CLNK: variants seen among roughly 807,000 people sequenced by gnomAD.
CLNK encodes the protein cytokine dependent hematopoietic cell linker, also known as cytokine-dependent hematopoietic cell linker.
Under a neutral mutation model 68.6 loss-of-function variants are expected in CLNK, and 74 were observed. The ratio of observed to expected loss-of-function variants is 1.08; its 90% CI spans 0.89 to 1.31. The LOEUF (loss-of-function observed/expected upper bound fraction) is 1.31, where lower values mean the gene tolerates loss of function less well. Ranked by LOEUF, CLNK falls within the 50% of genes most tolerant of loss-of-function variation. CLNK has a pLI of 0.00. For missense variants in CLNK, 553 were observed against 515.3 expected, an observed-to-expected ratio of 1.07 and a Z score of -0.71; for synonymous variants, 198 against 172.2, an observed-to-expected ratio of 1.15 and a Z score of -1.17.
chr4:10,658,261 G>A (rs1232444874), intron 2 of CLNK, among the ~76,000 whole-genome samples: 1 of 152,188 alleles, frequency 6.6e-6, no homozygotes, highest in Admixed American at 6.5e-5. Context: ...TACAATGAAT[G>A]TTCTTCATGG....
rs549129073 is a variant in CLNK at position 10,500,764 on chromosome 4, G to A, written c.1140+492C>T. ...TTGTGGATTGATTTATGTTATTCAC[G>A]AATATTTTAATTGATTCACTCTTTC... On this transcript the variant is annotated intron_variant, in intron 18 of 18. Coordinates refer to ENST00000226951, the MANE Select transcript of CLNK (RefSeq NM_052964.4). Among the ~76,000 whole-genome samples the A allele has an allele frequency of 1.2e-4, 18 of 152,062 alleles. No homozygotes were observed. The East Asian group carries it at 1.4e-3, about 11-fold the overall frequency.
intron 2 of CLNK, among the ~76,000 whole-genome samples, chr4:10,629,331 G>A (rs1335355842): frequency 6.6e-6 from 1 of 152,206 alleles, no homozygotes; most frequent in African/African-American, 2.4e-5. Context: ...GCTGTGTGAA[G>A]GTCCTTCTTC....
chr4:10,630,287 A>G (rs911065515), intron 2 of CLNK, among the ~76,000 whole-genome samples: 15 of 152,162 alleles, frequency 9.9e-5, no homozygotes, highest in African/African-American at 3.4e-4. Flanking sequence ...TTACTATGAC[A>G]CGCATTTGTA....
At chr4:10,519,065 A>G (rs1235156936) in intron 15 of CLNK, among the ~76,000 whole-genome samples, 1 of 152,098 alleles carries the variant, frequency 6.6e-6, no homozygotes, top group Non-Finnish European at 1.5e-5. Flanking sequence ...TTTGGTACAA[A>G]CCATGTTCTT....
intron 13 of CLNK, 118 bp from the exon 14 acceptor site, chr4:10,526,040 G>T (rs1198964457): frequency 6.4e-6 from 4 of 625,634 alleles, no homozygotes; most frequent in Non-Finnish European, 1.1e-5. Context: ...ATTAGAAGGG[G>T]GCTCTTGATG....
At chr4:10,494,035 T>C (rs886714731) in intron 18 of CLNK, among the ~76,000 whole-genome samples, 5 of 152,214 alleles carry the variant, frequency 3.3e-5, no homozygotes, top group African/African-American at 9.6e-5. Flanking sequence ...AAGAACATCA[T>C]GAGAGAGCAA....
intron 8 of CLNK, 140 bp downstream of exon 8, chr4:10,558,267 T>C (rs533158926): frequency 1.5e-4 from 101 of 661,736 alleles, no homozygotes; most frequent in Non-Finnish European, 2.5e-4. Context: ...TAAAATTAGA[T>C]AGTTATTTCC....
intron 5 of CLNK, among the ~76,000 whole-genome samples, chr4:10,567,931 C>T (rs766223332): frequency 6.6e-6 from 1 of 152,010 alleles, no homozygotes; most frequent in Admixed American, 6.5e-5. Context: ...TCAGGGCTGA[C>T]AAGAATGTGG....
At chr4:10,517,691 T>C (rs1717889753) in intron 15 of CLNK, among the ~76,000 whole-genome samples, 1 of 152,202 alleles carries the variant, frequency 6.6e-6, no homozygotes, top group Non-Finnish European at 1.5e-5. Context: ...TAATGTTCAG[T>C]GATTATGAAT....
chr4:10,667,663 C>G (rs1442154417), intron 2 of CLNK, among the ~76,000 whole-genome samples, 196 bp downstream of exon 2: 3 of 152,156 alleles, frequency 2.0e-5, no homozygotes, highest in African/African-American at 7.2e-5. Flanking sequence ...AATGCTCTGT[C>G]CATGGGAAAA....
At chr4:10,573,165 T>TAAC (rs1720415315) in intron 4 of CLNK, among the ~76,000 whole-genome samples, 1 of 152,206 alleles carries the variant, frequency 6.6e-6, no homozygotes, top group Admixed American at 6.5e-5. Context: ...TCACTCTGAA[T>TAAC]TCCCCTATCT....
chr4:10,537,633 CTT>C (rs1560206739), intron 11 of CLNK, among the ~76,000 whole-genome samples: 5 of 132,304 alleles, frequency 3.8e-5, no homozygotes, highest in Non-Finnish European at 6.5e-5. Context: ...TTCTTTCTTT[CTT>C]TCTCTTTCTT....
chr4:10,583,656 G>A (rs1325544449), intron 4 of CLNK, among the ~76,000 whole-genome samples: 6 of 152,002 alleles, frequency 3.9e-5, no homozygotes, highest in East Asian at 3.9e-4. Flanking sequence ...TAAGGTGTAG[G>A]TTCGAGTGTG....
chr4:10,607,287 T>C (rs1721826859), intron 2 of CLNK, among the ~76,000 whole-genome samples: 1 of 152,208 alleles, frequency 6.6e-6, no homozygotes, highest in South Asian at 2.1e-4. Context: ...TGCCCCACTG[T>C]GGCATGCTCT....
chr4:10,701,380 C>T, the CLNK span, among the ~76,000 whole-genome samples: 9 of 152,118 alleles, frequency 5.9e-5, no homozygotes, highest in Non-Finnish European at 8.8e-5. Context: ...ACTGTGTGTG[C>T]GAGACCACAG....
chr4:10,686,257 C>A (rs748797351), upstream of CLNK, among the ~76,000 whole-genome samples: 2 of 152,126 alleles, frequency 1.3e-5, no homozygotes, highest in African/African-American at 2.4e-5. Flanking sequence ...AATGATGGCT[C>A]ACCCTAATTA....
chr4:10,666,443 C>T (rs1440229501), intron 2 of CLNK, among the ~76,000 whole-genome samples: 3 of 152,242 alleles, frequency 2.0e-5, no homozygotes, highest in Non-Finnish European at 2.9e-5. Context: ...ACCAGCTCAC[C>T]TGGATTGACA....
At chr4:10,521,267 G>A (rs1718050875) in intron 14 of CLNK, among the ~76,000 whole-genome samples, 1 of 152,148 alleles carries the variant, frequency 6.6e-6, no homozygotes, top group Admixed American at 6.5e-5. Flanking sequence ...CTAGAAATTT[G>A]TGCTGAGTAA....
chr4:10,513,936 C>T (rs960397650), intron 15 of CLNK, among the ~76,000 whole-genome samples: 17 of 143,558 alleles, frequency 1.2e-4, no homozygotes, highest in Non-Finnish European at 2.1e-4. Flanking sequence ...TATACATGTG[C>T]CATGCTGGTG....
Sources: gnomAD v4.1 joint callset for allele counts (sites outside exome capture counted in the v4.1 genomes callset) on GRCh38, gnomAD v4.1.1 for gene constraint, MANE v1.5 for transcripts, NCBI Gene and HGNC (gene_info 2026-07-23, HGNC 2026-07-21) for gene names.